Variants in LMX1B observed in about 807,000 individuals in gnomAD.
LMX1B encodes the protein LIM homeobox transcription factor 1-beta.
In LMX1B, 12 loss-of-function variants were observed where a neutral mutation model predicts 51.4. The observed-to-expected ratio is 0.23, with a 90% confidence interval of 0.15 to 0.38. The LOEUF (loss-of-function observed/expected upper bound fraction) is 0.38. LMX1B is among the 10% of genes least tolerant of loss of function. The pLI is 1.00. For synonymous variants in LMX1B, 237 were observed against 235.4 expected, an observed-to-expected ratio of 1.01 and a Z score of -0.06; for missense variants, 445 against 571.1, an observed-to-expected ratio of 0.78 and a Z score of 2.25.
At chr9:126,656,854 T>C (rs959749628) in intron 2 of LMX1B, among the ~76,000 whole-genome samples, 4 of 152,212 alleles carry the variant, frequency 2.6e-5, no homozygotes, top group Admixed American at 6.5e-5. Flanking sequence ...CCCCAGTCCA[T>C]GGCCATCAAA....
At position 126,665,989 on chromosome 9, in the gene LMX1B, C is replaced by T. The variant is rs924209385; in HGVS notation, c.327-24847C>T. Among the ~76,000 whole-genome samples, 4 of 152,258 alleles carry T rather than the reference C, an allele frequency of 2.6e-5. No individual in the cohort carries two copies. The East Asian group carries it at 7.7e-4, about 29-fold the overall frequency. On this transcript the variant is annotated intron_variant, in intron 2 of 7. Coordinates refer to ENST00000373474, the MANE Select transcript of LMX1B (RefSeq NM_001174147.2). Reference sequence around the variant, plus strand: ...GTGAACAAAGATCGGAGGAGGAGGCCTCTCATCACAGCTCCTACGCAGAGG... The same window carrying T: ...GTGAACAAAGATCGGAGGAGGAGGCTTCTCATCACAGCTCCTACGCAGAGG...
Position 126,615,620 on chromosome 9 carries a change from G to C in LMX1B, c.326+51G>C, listed in dbSNP as rs745591020. 5.5e-5 allele frequency: 84 copies of C among 1,534,264 alleles called. 3 individuals are homozygous for C. The South Asian group carries it at 8.7e-4, about 16-fold the overall frequency. On this transcript the variant is annotated intron_variant, in intron 2 of 7. Coordinates refer to ENST00000373474, the MANE Select transcript of LMX1B (RefSeq NM_001174147.2). This position sits in a 1 kb window ranked among gnomAD's most constrained non-coding sequence, Gnocchi z 6.0. The stretch of plus-strand genomic sequence containing the variant: ...CGCCACCGCCCGGCACTCGAGCCCG[G>C]TCAGCCCCCTGCCGGGCCCGGCCCG...
At chr9:126,621,162 G>T (rs2118837568) in intron 2 of LMX1B, among the ~76,000 whole-genome samples, 1 of 152,350 alleles carries the variant, frequency 6.6e-6, no homozygotes, top group South Asian at 2.1e-4. Context: ...CTGAAGGATG[G>T]AGGATACTCT....
At chr9:126,691,928 A>G (rs962061953) in intron 3 of LMX1B, among the ~76,000 whole-genome samples, 1 of 152,234 alleles carries the variant, frequency 6.6e-6, no homozygotes, top group African/African-American at 2.4e-5. Flanking sequence ...CTCCTGGCAG[A>G]CAGGGCAAGC....
chr9:126,696,790 T>A lies in LMX1B; in HGVS notation c.*339T>A, dbSNP rs2030353836. 5.1e-6 allele frequency: 2 copies of A among 395,412 alleles called. No homozygotes were observed. The highest frequency in any genetic ancestry group is 4.7e-6 in the Non-Finnish European group (1 of 211,344). 24.5% of individuals were successfully genotyped at this position (395,412 alleles called of 1,614,324 possible). ...GAAGCTTAAATTCTCTCTATTTTTT[T>A]AAATGTCCTCTCTGTGTCCATGGCC... On this transcript the variant is annotated 3_prime_UTR_variant, in exon 8 of 8. Transcript: ENST00000373474.
chr9:126,665,066 A>G (rs1025094344), intron 2 of LMX1B, among the ~76,000 whole-genome samples: 2 of 152,240 alleles, frequency 1.3e-5, no homozygotes, highest in African/African-American at 2.4e-5. Context: ...GCAAGTGTCC[A>G]TTCAGGAATT....
At chr9:126,636,232 T>C (rs1835711018) in intron 2 of LMX1B, among the ~76,000 whole-genome samples, 1 of 152,010 alleles carries the variant, frequency 6.6e-6, no homozygotes, top group South Asian at 2.1e-4. Context: ...GGCAGTAGCT[T>C]GTAAAGGCCC....
At chr9:126,639,349 T>G (rs753210972) in intron 2 of LMX1B, among the ~76,000 whole-genome samples, 28 of 152,104 alleles carry the variant, frequency 1.8e-4, no homozygotes, top group Non-Finnish European at 3.5e-4. Context: ...TGCCCCTCCA[T>G]CATCTGTCTG....
At chr9:126,655,519 G>A (rs1447215438) in intron 2 of LMX1B, among the ~76,000 whole-genome samples, 1 of 152,164 alleles carries the variant, frequency 6.6e-6, no homozygotes, top group Non-Finnish European at 1.5e-5. Flanking sequence ...TAGCTGAGAG[G>A]CCCTCCACGT....
intron 2 of LMX1B, among the ~76,000 whole-genome samples, chr9:126,617,353 A>G (rs1410576422): frequency 6.6e-6 from 1 of 152,076 alleles, no homozygotes; most frequent in Non-Finnish European, 1.5e-5. Context: ...GGGCCCAGGA[A>G]ACTAAAACCG....
intron 2 of LMX1B, among the ~76,000 whole-genome samples, chr9:126,627,207 C>CA: frequency 6.6e-6 from 1 of 152,090 alleles, no homozygotes; most frequent in African/African-American, 2.4e-5. Flanking sequence ...TCCCCGTGGC[C>CA]GGGTTACCCT....
chr9:126,679,487 A>G (rs1836633039), intron 2 of LMX1B, among the ~76,000 whole-genome samples: 2 of 147,860 alleles, frequency 1.4e-5, no homozygotes, highest in African/African-American at 5.0e-5. Context: ...ATGGGTGGAT[A>G]GATGGTTGAA....
intron 2 of LMX1B, among the ~76,000 whole-genome samples, chr9:126,661,668 C>T (rs746672561): frequency 1.2e-4 from 18 of 152,166 alleles, no homozygotes; most frequent in Non-Finnish European, 2.5e-4. Flanking sequence ...CCCCGCCCAC[C>T]CCTCCCCACC....
In LMX1B at chr9:126,641,613, TTCAGCAGC is replaced by T; in HGVS notation, c.326+26048_326+26055del. 6.6e-6 allele frequency among the ~76,000 whole-genome samples: 1 copy of T among 152,248 alleles called. No homozygotes were observed. Among genetic ancestry groups the T allele is most frequent in the African/African-American group, 2.4e-5 (1 of 41,556 alleles). ...CCTGTCTTGCCACCTCCCGCTTCTG[TTCAGCAGC>T]TCAAGTTTCTGTCCTTGAGCCAGTC... On this transcript the variant is annotated intron_variant, in intron 2 of 7. Transcript: ENST00000373474. The surrounding 1 kb of genome is among the most constrained non-coding windows in gnomAD (Gnocchi z 4.1).
At chr9:126,674,845 C>T (rs751255192) in intron 2 of LMX1B, among the ~76,000 whole-genome samples, 10 of 152,226 alleles carry the variant, frequency 6.6e-5, no homozygotes, top group South Asian at 2.1e-4. Context: ...ACCCTCTTAG[C>T]GAGTCTCCCC....
At chr9:126,659,387 A>G (rs1836184327) in intron 2 of LMX1B, among the ~76,000 whole-genome samples, 1 of 152,232 alleles carries the variant, frequency 6.6e-6, no homozygotes, top group South Asian at 2.1e-4. Context: ...CGCTGTCCCC[A>G]GGAGGCTGTC....
At chr9:126,621,668 T>C (rs1435668371) in intron 2 of LMX1B, among the ~76,000 whole-genome samples, 1 of 149,432 alleles carries the variant, frequency 6.7e-6, no homozygotes, top group South Asian at 2.1e-4. Flanking sequence ...TTTTTTTTTT[T>C]TTTTTTTTTT....
intron 2 of LMX1B, among the ~76,000 whole-genome samples, chr9:126,619,188 G>T (rs113052014): frequency 2.8e-4 from 43 of 152,316 alleles, no homozygotes; most frequent in African/African-American, 7.2e-4. Context: ...CCCCCAGCTG[G>T]CTGTGGCTCC....
rs1291968877 is a variant in LMX1B, at chr9:126,699,212, C to G, written c.*2761C>G. 3.3e-5 allele frequency: 5 copies of G among 152,378 alleles called. No individual in the cohort carries two copies. The highest frequency in any genetic ancestry group is 1.9e-4 in the East Asian group (1 of 5,184). 9.4% of individuals were successfully genotyped at this position (152,378 alleles called of 1,614,324 possible). On this transcript the variant is annotated 3_prime_UTR_variant, in exon 8 of 8. Coordinates refer to ENST00000373474, the MANE Select transcript of LMX1B (RefSeq NM_001174147.2). ...GCCCCTTATTTTATAGTTGGAAACC[C>G]TGAGGCAAGAGAGGGAAAGAGGCCT...
Sources: gnomAD v4.1 joint callset for allele counts (sites outside exome capture counted in the v4.1 genomes callset) on GRCh38, gnomAD v4.1.1 for gene constraint, Gnocchi (gnomAD v3.1) non-coding constraint, MANE v1.5 for transcripts, NCBI Gene and HGNC (gene_info 2026-07-23, HGNC 2026-07-21) for gene names.